GRIK4: variants seen among roughly 807,000 people sequenced by gnomAD.
GRIK4 encodes the protein glutamate ionotropic receptor kainate type subunit 4, also known as glutamate receptor ionotropic, kainate 4.
Under a neutral mutation model 104.9 loss-of-function variants are expected in GRIK4, and 40 were observed. The ratio of observed to expected loss-of-function variants is 0.38; its 90% CI spans 0.30 to 0.50. GRIK4 has a LOEUF of 0.50. Among genes scored for constraint, GRIK4 ranks in the 20% least tolerant of loss-of-function variants. The pLI, the probability that GRIK4 is intolerant of heterozygous loss-of-function variation, is 0.93. For synonymous variants in GRIK4, 485 were observed against 524.9 expected (o/e 0.92, Z 1.04); for missense variants, 1,047 against 1,308.1 (o/e 0.80, Z 3.08).
chr11:120,776,330 C>T (rs989815387), intron 3 of GRIK4, among the ~76,000 whole-genome samples: 6 of 152,208 alleles, frequency 3.9e-5, no homozygotes, highest in Non-Finnish European at 5.9e-5. Context: ...TGTCTGCCCT[C>T]GCTCAGAGGG....
intron 13 of GRIK4, among the ~76,000 whole-genome samples, chr11:120,927,978 C>T (rs1214431729): frequency 3.3e-5 from 5 of 151,914 alleles, no homozygotes; most frequent in African/African-American, 9.7e-5. Context: ...TTTGGGAGGC[C>T]GAGGCAGGCG....
At chr11:120,762,521 G>A (rs1367508087) in intron 3 of GRIK4, among the ~76,000 whole-genome samples, 1 of 152,196 alleles carries the variant, frequency 6.6e-6, no homozygotes, top group Non-Finnish European at 1.5e-5. Flanking sequence ...TCTTGTGCTG[G>A]TTTTCAAAGG....
intron 11 of GRIK4, among the ~76,000 whole-genome samples, chr11:120,887,771 ATAAC>A (rs1257376511): frequency 6.6e-6 from 1 of 152,216 alleles, no homozygotes; most frequent in African/African-American, 2.4e-5. Flanking sequence ...AATTACCTAA[ATAAC>A]TATATGATTA....
intron 1 of GRIK4, among the ~76,000 whole-genome samples, chr11:120,631,932 C>T (rs1459484378): frequency 6.6e-6 from 1 of 152,066 alleles, no homozygotes; most frequent in African/African-American, 2.4e-5. Flanking sequence ...TCAGGTGATC[C>T]CAGGTTTGAA....
At chr11:120,901,127 T>C (rs1942726127) in intron 12 of GRIK4, among the ~76,000 whole-genome samples, 1 of 152,182 alleles carries the variant, frequency 6.6e-6, no homozygotes, top group South Asian at 2.1e-4. Flanking sequence ...CCCCCGACCC[T>C]CCTGTCAGCG....
intron 1 of GRIK4, among the ~76,000 whole-genome samples, chr11:120,612,593 T>G (rs1395499338): frequency 6.6e-6 from 1 of 152,182 alleles, no homozygotes; most frequent in Non-Finnish European, 1.5e-5. Flanking sequence ...ACGTATAGCA[T>G]GTGGGATTCC....
intron 1 of GRIK4, among the ~76,000 whole-genome samples, chr11:120,608,582 T>C (rs1948991630): frequency 6.6e-6 from 1 of 152,216 alleles, no homozygotes; most frequent in Non-Finnish European, 1.5e-5. Context: ...TTTTCCTCAT[T>C]GTGGAGGAAG....
At chr11:120,614,641 C>T (rs1197667195) in intron 1 of GRIK4, among the ~76,000 whole-genome samples, 1 of 152,188 alleles carries the variant, frequency 6.6e-6, no homozygotes, top group African/African-American at 2.4e-5. Context: ...AGCTACCCTA[C>T]GGTTCTAGGA....
chr11:120,909,024 A>T (rs1942934376), intron 13 of GRIK4, among the ~76,000 whole-genome samples: 1 of 152,222 alleles, frequency 6.6e-6, no homozygotes, highest in Non-Finnish European at 1.5e-5. Context: ...TCAGGGCTGG[A>T]GGCTCGAGGA....
In GRIK4 at chr11:120,650,112, C is replaced by CG. The variant is rs1829315600; in HGVS notation, c.-158-3573_-158-3572insG. On this transcript the variant is annotated intron_variant, in intron 1 of 20. Coordinates refer to ENST00000527524, the MANE Select transcript of GRIK4 (RefSeq NM_014619.5). Reference sequence around the variant, plus strand: ...GGGCCTCATCTTCCACCTCCCGTGGCTGGCAATGAGCTCTTCCTCCTCTCA... The same window carrying CG: ...GGGCCTCATCTTCCACCTCCCGTGGCGTGGCAATGAGCTCTTCCTCCTCTCA... Among the ~76,000 whole-genome samples the CG allele has an allele frequency of 3.3e-5, 5 of 152,200 alleles. No individual in the cohort carries two copies. In the South Asian group the frequency reaches 1.0e-3, roughly 32 times the overall value.
intron 3 of GRIK4, among the ~76,000 whole-genome samples, chr11:120,704,659 G>A (rs1950601433): frequency 6.6e-6 from 1 of 152,116 alleles, no homozygotes; most frequent in African/African-American, 2.4e-5. Flanking sequence ...CATGGTATGT[G>A]GTCGGTAAAT....
chr11:120,714,597 T>C (rs1950794744), intron 3 of GRIK4, among the ~76,000 whole-genome samples: 1 of 152,140 alleles, frequency 6.6e-6, no homozygotes, highest in Non-Finnish European at 1.5e-5. Context: ...AAGTATGAAG[T>C]ACTACAGCGT....
chr11:120,948,702 G>A (rs1943924201), intron 14 of GRIK4, among the ~76,000 whole-genome samples: 1 of 152,192 alleles, frequency 6.6e-6, no homozygotes, highest in South Asian at 2.1e-4. Flanking sequence ...AGAAAGTATA[G>A]TATTTCTTGT....
At chr11:120,747,495 C>T (rs1372231637) in intron 3 of GRIK4, among the ~76,000 whole-genome samples, 1 of 152,150 alleles carries the variant, frequency 6.6e-6, no homozygotes, top group South Asian at 2.1e-4. Flanking sequence ...ACCCCATAAA[C>T]GGATTACCCT....
At chr11:120,559,303 C>G (rs774047838) in intron 1 of GRIK4, among the ~76,000 whole-genome samples, 4 of 152,186 alleles carry the variant, frequency 2.6e-5, no homozygotes, top group Non-Finnish European at 4.4e-5. Context: ...GATAAATGAG[C>G]TCGTGGGCAC....
In GRIK4 at chr11:120,590,532, G is replaced by A. The variant is rs145824447; in HGVS notation, c.-158-63153G>A. Among the ~76,000 whole-genome samples, 57 of 152,336 alleles carry A rather than the reference G, an allele frequency of 3.7e-4. No individual in the cohort carries two copies. In the East Asian group the frequency reaches 8.7e-3, roughly 23 times the overall value. ...CTGGCGTAGCATTGTGATTATTGCT[G>A]TATTTCTAGGCTGAGCACAGTGCCT... On this transcript the variant is annotated intron_variant, in intron 1 of 20. Transcript: ENST00000527524.
At chr11:120,640,130 A>G (rs1455874179) in intron 1 of GRIK4, among the ~76,000 whole-genome samples, 2 of 152,234 alleles carry the variant, frequency 1.3e-5, no homozygotes, top group Non-Finnish European at 2.9e-5. Flanking sequence ...TCCATAGAGT[A>G]GCGTGAAAGC....
intron 3 of GRIK4, among the ~76,000 whole-genome samples, chr11:120,782,897 C>T: frequency 6.6e-6 from 1 of 152,194 alleles, no homozygotes; most frequent in Non-Finnish European, 1.5e-5. Context: ...CTGGCATCTA[C>T]TGCATCCTCA....
chr11:120,776,369 T>A (rs1952043111), intron 3 of GRIK4, among the ~76,000 whole-genome samples: 1 of 152,226 alleles, frequency 6.6e-6, no homozygotes. Context: ...TCTTTCCACC[T>A]GCTGGGCATT....
Sources: allele counts gnomAD v4.1 joint callset (sites outside exome capture counted in the v4.1 genomes callset), GRCh38; gene constraint gnomAD v4.1.1; transcripts MANE v1.5; gene names NCBI Gene and HGNC (gene_info 2026-07-23, HGNC 2026-07-21).